MACROD1: variants seen among roughly 807,000 people sequenced by gnomAD.
MACROD1 encodes the protein ADP-ribose glycohydrolase MACROD1.
In MACROD1, 31 loss-of-function variants were observed where a neutral mutation model predicts 41.4. The ratio of observed to expected loss-of-function variants is 0.75; its 90% CI spans 0.56 to 1.01. The LOEUF (loss-of-function observed/expected upper bound fraction) is 1.01. MACROD1 is among the 50% of genes least tolerant of loss of function. The pLI is 0.00. For synonymous variants in MACROD1, 252 were observed against 203.4 expected (o/e 1.24, Z -2.03); for missense variants, 473 against 460.0 (o/e 1.03, Z -0.26).
chr11:64,018,449 A>AG (rs1181850208), intron 3 of MACROD1, among the ~76,000 whole-genome samples: 1 of 152,154 alleles, frequency 6.6e-6, no homozygotes, highest in Non-Finnish European at 1.5e-5. Flanking sequence ...CAGGCTGTGC[A>AG]GGGGAATGGC....
rs552184628 is a variant in MACROD1, at chr11:64,142,456, G to C, written c.517+8783C>G. Among the ~76,000 whole-genome samples, 12 of 152,286 alleles carry C rather than the reference G, an allele frequency of 7.9e-5. No homozygotes were observed. In the South Asian group the frequency reaches 2.3e-3, roughly 29 times the overall value. ...TCTCACATTCCCCATGGAAATGACA[G>C]AAGAACTTCAGGTAAGAAGCAGGGG... On this transcript the variant is annotated intron_variant, in intron 3 of 10. Coordinates refer to ENST00000255681, the MANE Select transcript of MACROD1 (RefSeq NM_014067.4).
intron 3 of MACROD1, among the ~76,000 whole-genome samples, chr11:64,020,670 C>T (rs1289552812): frequency 1.3e-5 from 2 of 152,070 alleles, no homozygotes; most frequent in Admixed American, 6.6e-5. Context: ...CGGTGATGCT[C>T]TCCTGGGGGG....
intron 3 of MACROD1, among the ~76,000 whole-genome samples, chr11:64,094,121 A>AC: frequency 6.6e-6 from 1 of 152,070 alleles, no homozygotes; most frequent in Admixed American, 6.5e-5. Context: ...ACATGGTGAA[A>AC]CCCCGACTCT....
intron 3 of MACROD1, among the ~76,000 whole-genome samples, chr11:64,047,805 G>C (rs1392584151): frequency 6.6e-6 from 1 of 151,396 alleles, no homozygotes; most frequent in Non-Finnish European, 1.5e-5. Context: ...GCTGAGGCAG[G>C]AGAATCGCTT....
chr11:64,035,610 G>T (rs1004187266), intron 3 of MACROD1, among the ~76,000 whole-genome samples: 2 of 138,856 alleles, frequency 1.4e-5, no homozygotes, highest in Non-Finnish European at 1.6e-5. Context: ...GGCGGGGGAG[G>T]GGGGCGCGGA....
At chr11:64,029,142 C>T (rs1020314945) in intron 3 of MACROD1, among the ~76,000 whole-genome samples, 6 of 152,218 alleles carry the variant, frequency 3.9e-5, no homozygotes, top group African/African-American at 4.8e-5. Flanking sequence ...CGAGGAGCTG[C>T]TTGAGTTCCC....
chr11:64,038,330 G>A (rs1650987065), intron 3 of MACROD1, among the ~76,000 whole-genome samples: 1 of 152,240 alleles, frequency 6.6e-6, no homozygotes, highest in Admixed American at 6.5e-5. Context: ...CCTGCGCAGG[G>A]GTTTACAGCA....
intron 3 of MACROD1, among the ~76,000 whole-genome samples, chr11:64,021,044 T>G (rs868061022): frequency 6.6e-6 from 1 of 152,108 alleles, no homozygotes; most frequent in African/African-American, 2.4e-5. Context: ...ATACCCCCAC[T>G]CCTGCCCTCG....
chr11:64,101,438 T>C (rs149960810), intron 3 of MACROD1, among the ~76,000 whole-genome samples: 1,707 of 152,232 alleles, frequency 0.011, 24 homozygotes, highest in Non-Finnish European at 0.014. Flanking sequence ...TTTCTCTCTT[T>C]ATCGGGAGGC....
At chr11:64,152,423 G>A (rs1355323020) in intron 1 of MACROD1, 30 bp from the exon 2 acceptor site, 3 of 1,574,562 alleles carry the variant, frequency 1.9e-6, no homozygotes, top group Non-Finnish European at 2.6e-6. Context: ...GATCAGGGTG[G>A]GGGCAGAGGA....
chr11:64,109,980 G>A (rs1305873965), intron 3 of MACROD1, among the ~76,000 whole-genome samples: 1 of 152,156 alleles, frequency 6.6e-6, no homozygotes, highest in African/African-American at 2.4e-5. Context: ...GAGACTTGGG[G>A]CAGCTTTTAA....
rs536294761 is a variant in MACROD1, at chr11:64,096,360, G to A, written c.517+54879C>T. On this transcript the variant is annotated intron_variant, in intron 3 of 10. Coordinates refer to ENST00000255681, the MANE Select transcript of MACROD1 (RefSeq NM_014067.4). The surrounding 1 kb of genome is among the most constrained non-coding windows in gnomAD (Gnocchi z 4.6). ...ACGGTCCCTAATGGGCACGGGCGACGCATTACAGTGAGGTCTGCCAGGTAG... is the reference window on the plus strand; with the variant it reads ...ACGGTCCCTAATGGGCACGGGCGACACATTACAGTGAGGTCTGCCAGGTAG... Among the ~76,000 whole-genome samples the A allele has an allele frequency of 7.9e-5, 12 of 152,224 alleles. No homozygotes were observed. The highest frequency in any genetic ancestry group is 3.9e-4 in the East Asian group (2 of 5,174).
rs775538870 is a variant in MACROD1 at position 64,117,019 on chromosome 11, C to A, written c.517+34220G>T. 4.7e-5 allele frequency: 76 copies of A among 1,612,314 alleles called. No individual in the cohort carries two copies. Among genetic ancestry groups the A allele is most frequent in the Non-Finnish European group, 6.3e-5 (74 of 1,179,550 alleles). On this transcript the variant is annotated intron_variant, in intron 3 of 10. Coordinates refer to ENST00000255681, the MANE Select transcript of MACROD1 (RefSeq NM_014067.4). ...ACCTTCAGCCGCCTACAGAACCTCA[C>A]AGAGCTCTCGCTGGTGCGCAATTCG...
chr11:64,157,029 C>G (rs1223370538), intron 1 of MACROD1, among the ~76,000 whole-genome samples: 3 of 151,756 alleles, frequency 2.0e-5, no homozygotes, highest in African/African-American at 7.3e-5. Flanking sequence ...CCAGGCCCCT[C>G]TTTGTTCCCC....
chr11:64,116,140 T>G (rs1590930891), intron 3 of MACROD1: 4 of 1,385,056 alleles, frequency 2.9e-6, no homozygotes, highest in Non-Finnish European at 3.8e-6. Flanking sequence ...GGCTGGCAGG[T>G]GGGAGGGAAT....
chr11:63,999,459 G>C, intron 7 of MACROD1, 55 bp from the exon 8 acceptor site: 1 of 1,561,556 alleles, frequency 6.4e-7, no homozygotes. Context: ...CCACTCCCCT[G>C]TCCGCCCCGG....
intron 3 of MACROD1, among the ~76,000 whole-genome samples, chr11:64,062,451 C>T (rs1016334393): frequency 6.6e-6 from 1 of 152,166 alleles, no homozygotes; most frequent in African/African-American, 2.4e-5. Context: ...GCGGAAGGCT[C>T]GCCTCACACA....
intron 3 of MACROD1, among the ~76,000 whole-genome samples, chr11:64,053,995 T>C (rs1028320433): frequency 2.6e-5 from 4 of 152,142 alleles, no homozygotes; most frequent in African/African-American, 7.2e-5. Flanking sequence ...CTCTGCACTG[T>C]GATCTAGTTG....
intron 3 of MACROD1, among the ~76,000 whole-genome samples, chr11:64,043,841 C>T (rs1195975776): frequency 2.7e-5 from 4 of 147,814 alleles, no homozygotes; most frequent in Non-Finnish European, 4.5e-5. Context: ...GACGGAGTTT[C>T]GCTCTTGTTG....
Sources: gnomAD v4.1 joint callset for allele counts (sites outside exome capture counted in the v4.1 genomes callset) on GRCh38, gnomAD v4.1.1 for gene constraint, Gnocchi (gnomAD v3.1) non-coding constraint, MANE v1.5 for transcripts, NCBI Gene and HGNC (gene_info 2026-07-23, HGNC 2026-07-21) for gene names.